KLF8: variants seen among roughly 807,000 people sequenced by gnomAD.
KLF8 encodes the protein KLF transcription factor 8.
A neutral mutation model predicts 18.2 loss-of-function variants in KLF8; 10 were observed. That is an observed-to-expected ratio of 0.55 (90% CI 0.34 to 0.93). The LOEUF (loss-of-function observed/expected upper bound fraction) is 0.93. Ranked by LOEUF, KLF8 falls within the 40% of genes least tolerant of loss-of-function variation. The pLI is 0.02. For synonymous variants in KLF8, 109 were observed against 97.3 expected (o/e 1.12, Z -0.71); for missense variants, 264 against 277.9 (o/e 0.95, Z 0.36).
chrX:56,083,698 G>A, the KLF8 span, among the ~76,000 whole-genome samples: 1 of 111,949 alleles, frequency 8.9e-6, no homozygotes, highest in Non-Finnish European at 1.9e-5. Context: ...AGCTGGAGGT[G>A]AGTGGCAGAT....
the KLF8 span, among the ~76,000 whole-genome samples, chrX:56,167,092 A>G: frequency 2.5e-4 from 28 of 111,917 alleles, no homozygotes; most frequent in African/African-American, 8.7e-4. Context: ...GCAGAAAGTA[A>G]TGGAGTTGCC....
intron 5 of KLF8, among the ~76,000 whole-genome samples, chrX:56,281,978 C>T (rs1467302829): frequency 8.9e-6 from 1 of 112,074 alleles, no homozygotes; most frequent in Non-Finnish European, 1.9e-5. Context: ...CACAGGGTGT[C>T]ACTGCCTTAC....
chrX:56,092,677 G>T, the KLF8 span, among the ~76,000 whole-genome samples: 1 of 109,693 alleles, frequency 9.1e-6, no homozygotes. Context: ...GAATAATGTA[G>T]CCTGGAAATG....
At chrX:56,077,717 A>G in the KLF8 span, among the ~76,000 whole-genome samples, 3 of 111,691 alleles carry the variant, frequency 2.7e-5, no homozygotes, top group Admixed American at 9.5e-5. Flanking sequence ...CATTGAATCT[A>G]TAAATTACCT....
the KLF8 span, among the ~76,000 whole-genome samples, chrX:56,123,303 A>AAG: frequency 1.5e-4 from 11 of 74,622 alleles, no homozygotes; most frequent in African/African-American, 4.7e-4. Flanking sequence ...AAGAAAGAGA[A>AAG]AGAAAGAAAG....
intron 1 of KLF8, among the ~76,000 whole-genome samples, chrX:56,237,027 G>A (rs1002867257): frequency 9.5e-6 from 1 of 105,566 alleles, no homozygotes; most frequent in Non-Finnish European, 1.9e-5. Context: ...TGGAATTCTA[G>A]GAATTTAAGT....
the KLF8 span, among the ~76,000 whole-genome samples, chrX:56,178,054 G>T: frequency 8.9e-6 from 1 of 112,159 alleles, no homozygotes; most frequent in African/African-American, 3.2e-5. Context: ...CTTCCCAGAT[G>T]AGGTGATGCC....
chrX:56,052,512 G>T, the KLF8 span, among the ~76,000 whole-genome samples: 1 of 111,891 alleles, frequency 8.9e-6, no homozygotes, highest in Non-Finnish European at 1.9e-5. Context: ...CTGCATGTCT[G>T]TTGGAATACC....
At chrX:56,035,490 G>A in the KLF8 span, among the ~76,000 whole-genome samples, 1 of 111,771 alleles carries the variant, frequency 8.9e-6, no homozygotes, top group East Asian at 2.8e-4. Context: ...GCCTAGTAAT[G>A]GGATTACTGG....
chrX:55,989,931 G>A, the KLF8 span, among the ~76,000 whole-genome samples: 3 of 111,181 alleles, frequency 2.7e-5, no homozygotes, highest in African/African-American at 9.8e-5. Context: ...TTTAGTCTTG[G>A]GGGGGTGTAT....
At chrX:56,231,505 T>C (rs758917765), upstream of KLF8, among the ~76,000 whole-genome samples, 1 of 111,656 alleles carries the variant, frequency 9.0e-6, no homozygotes, top group Non-Finnish European at 1.9e-5. Context: ...ATGGCAGATA[T>C]TATTATTTCT....
intron 2 of KLF8, among the ~76,000 whole-genome samples, chrX:56,251,459 T>A (rs2066710811): frequency 9.1e-6 from 1 of 110,080 alleles, no homozygotes; most frequent in Non-Finnish European, 1.9e-5. Context: ...ATATATTTAT[T>A]TATTTATTTA....
chrX:56,033,701 A>G, the KLF8 span, among the ~76,000 whole-genome samples: 60 of 111,631 alleles, frequency 5.4e-4, no homozygotes, highest in Admixed American at 5.4e-3. Context: ...AATAACCACC[A>G]TCACAGGCAT....
At chrX:55,988,859 G>T in the KLF8 span, among the ~76,000 whole-genome samples, 2 of 111,492 alleles carry the variant, frequency 1.8e-5, no homozygotes, top group African/African-American at 6.5e-5. Flanking sequence ...TCATTTGTTT[G>T]TATCCTTTTT....
chrX:55,993,534 G>A, the KLF8 span, among the ~76,000 whole-genome samples: 1 of 112,044 alleles, frequency 8.9e-6, no homozygotes, highest in Non-Finnish European at 1.9e-5. Context: ...TCGCATGTAT[G>A]TTTATCAGGG....
chrX:56,110,333 A>T, the KLF8 span, among the ~76,000 whole-genome samples: 7 of 111,112 alleles, frequency 6.3e-5, no homozygotes, highest in Non-Finnish European at 9.4e-5. Flanking sequence ...TCATTATTTT[A>T]CTTCCAAATT....
chrX:56,223,689 A>G, the KLF8 span, among the ~76,000 whole-genome samples: 1 of 112,270 alleles, frequency 8.9e-6, no homozygotes, highest in Non-Finnish European at 1.9e-5. Context: ...TACATAACAT[A>G]CCTAATTACA....
At chrX:56,111,495 A>T in the KLF8 span, among the ~76,000 whole-genome samples, 11 of 112,430 alleles carry the variant, frequency 9.8e-5, no homozygotes, top group Non-Finnish European at 3.8e-5. Flanking sequence ...TAATTAAACT[A>T]AAGAGCTTCT....
the KLF8 span, among the ~76,000 whole-genome samples, chrX:56,197,201 C>T: frequency 2.7e-5 from 3 of 110,262 alleles, no homozygotes; most frequent in Non-Finnish European, 5.7e-5. Flanking sequence ...ACAGCAAACA[C>T]ATTCAAAAGC....
Sources: allele counts gnomAD v4.1 joint callset (sites outside exome capture counted in the v4.1 genomes callset), GRCh38; gene constraint gnomAD v4.1.1; transcripts MANE v1.5; gene names NCBI Gene and HGNC (gene_info 2026-07-23, HGNC 2026-07-21).